The following NEK1 variants were observed in gnomAD, a reference collection of about 807,000 sequenced individuals.
NEK1 encodes serine/threonine-protein kinase Nek1.
Under a neutral mutation model 182.1 loss-of-function variants are expected in NEK1, and 137 were observed. That is an observed-to-expected ratio of 0.75 (90% confidence interval 0.65 to 0.87). NEK1 has a LOEUF of 0.87. Ranked by LOEUF, NEK1 falls within the 40% of genes least tolerant of loss-of-function variation. The pLI is 0.00. For synonymous variants in NEK1, 513 were observed against 492.2 expected (o/e 1.04, Z -0.56); for missense variants, 1,391 against 1,494.4 (o/e 0.93, Z 1.14).
rs141417424 is a variant in NEK1 at position 169,559,574 on chromosome 4, G to C, written c.1266+1906C>G. On this transcript the variant is annotated intron_variant, in intron 16 of 35. Transcript: ENST00000507142. ...ATCCAGGGCAGAATGTATATGTCTA[G>C]ATAAAACAAACTTTTATTCAAATTA... is the stretch of plus-strand genomic sequence containing the variant. Among the ~76,000 whole-genome samples the C allele has an allele frequency of 3.2e-3, 481 of 152,150 alleles. 1 individual carries two copies. Among genetic ancestry groups the C allele is most frequent in the Middle Eastern group, 0.031 (9 of 294 alleles).
chr4:169,449,031 G>A (rs942460228), intron 27 of NEK1, among the ~76,000 whole-genome samples: 70 of 152,322 alleles, frequency 4.6e-4, no homozygotes, highest in African/African-American at 1.6e-3. Flanking sequence ...CAGGTCCCAC[G>A]CCCACAGAGC....
intron 23 of NEK1, among the ~76,000 whole-genome samples, chr4:169,495,262 G>C (rs1174181350): frequency 3.9e-5 from 1 of 25,738 alleles, no homozygotes; most frequent in African/African-American, 9.8e-5. Flanking sequence ...TTTTTTTTTT[G>C]AGACGGAGTT....
chr4:169,430,471 C>T (rs181060629), intron 29 of NEK1, among the ~76,000 whole-genome samples: 68 of 152,236 alleles, frequency 4.5e-4, no homozygotes, highest in African/African-American at 1.6e-3. Context: ...AGGTGTAAGC[C>T]ACTGGGCACA....
At chr4:169,526,531 T>G (rs1206475320) in intron 19 of NEK1, among the ~76,000 whole-genome samples, 1 of 152,120 alleles carries the variant, frequency 6.6e-6, no homozygotes, top group African/African-American at 2.4e-5. Flanking sequence ...GCACATAAAA[T>G]TATTTTGAAA....
intron 12 of NEK1, among the ~76,000 whole-genome samples, chr4:169,565,329 GAAAC>G (rs533131738): frequency 2.0e-5 from 3 of 152,206 alleles, no homozygotes; most frequent in South Asian, 2.1e-4. Context: ...TCTATCACTT[GAAAC>G]AAACAAACAA....
chr4:169,474,970 G>A (rs1163391022), intron 26 of NEK1, among the ~76,000 whole-genome samples: 1 of 152,138 alleles, frequency 6.6e-6, no homozygotes, highest in African/African-American at 2.4e-5. Flanking sequence ...GACAAAATAT[G>A]AGACAGCAGT....
At chr4:169,449,310 C>T (rs1436899318) in intron 27 of NEK1, among the ~76,000 whole-genome samples, 1 of 152,246 alleles carries the variant, frequency 6.6e-6, no homozygotes, top group Admixed American at 6.5e-5. Flanking sequence ...CAGTGGTTCT[C>T]CCAGCATGGT....
At chr4:169,427,987 G>GCTTTGGAA (rs1190367013) in intron 29 of NEK1, among the ~76,000 whole-genome samples, 1 of 148,248 alleles carries the variant, frequency 6.7e-6, no homozygotes, top group East Asian at 2.0e-4. Flanking sequence ...ACCATGCCTG[G>GCTTTGGAA]CTTTTTTTTT....
Position 169,561,842 on chromosome 4 carries a change from T to C in NEK1, c.1130A>G (p.Gln377Arg), listed in dbSNP as rs757617237. 14 of 1,610,608 alleles carry C rather than the reference T, an allele frequency of 8.7e-6. No individual in the cohort carries two copies. In the South Asian group the frequency reaches 1.2e-4, roughly 14 times the overall value. ...RLEFIEKEKK[Q>R]KDQIISLMKA... is the part of the protein sequence containing the mutation. ...AGAGCAAAAAACTACCTGATCCTTT[T>C]GTTTCTTTTCTTTTTCAATAAATTC... Residue 377 changes from glutamine (Q) to arginine (R), a missense_variant, in exon 14 of 36, where the codon CAA becomes CGA. Gln to Arg is a conservative substitution (Grantham distance 43, BLOSUM62 1). This residue lies in a region of NEK1 where 1,216 missense variants were observed against 1,277.6 expected (regional missense o/e 0.95). Coordinates refer to ENST00000507142, the MANE Select transcript of NEK1 (RefSeq NM_001199397.3).
chr4:169,451,640 T>A (rs530796252), intron 27 of NEK1, among the ~76,000 whole-genome samples: 7 of 152,318 alleles, frequency 4.6e-5, no homozygotes, highest in Admixed American at 1.3e-4. Flanking sequence ...TAAAGCAGTG[T>A]GTAGAGGGAA....
chr4:169,404,543 A>C (rs1480439224), intron 32 of NEK1, among the ~76,000 whole-genome samples: 1 of 152,152 alleles, frequency 6.6e-6, no homozygotes, highest in Non-Finnish European at 1.5e-5. Context: ...TTCTTTCCAA[A>C]GGTAAAAGTA....
chr4:169,505,322 T>C (rs1379474901), intron 23 of NEK1, among the ~76,000 whole-genome samples: 1 of 152,072 alleles, frequency 6.6e-6, no homozygotes, highest in African/African-American at 2.4e-5. Context: ...CCAACCCTCT[T>C]ACTCCTCCTT....
chr4:169,584,427 T>C (rs1240971033), intron 10 of NEK1, among the ~76,000 whole-genome samples: 1 of 151,650 alleles, frequency 6.6e-6, no homozygotes, highest in African/African-American at 2.4e-5. Flanking sequence ...GCCTGGGCAA[T>C]ATGGTGAGTC....
chr4:169,477,559 A>T (rs1747200511), intron 24 of NEK1, 62 bp from the exon 25 acceptor site: 2 of 1,225,284 alleles, frequency 1.6e-6, no homozygotes, highest in Non-Finnish European at 2.3e-6. Context: ...TACCTTTAAA[A>T]ATATTACATC....
intron 2 of NEK1, among the ~76,000 whole-genome samples, chr4:169,607,843 C>T (rs7668077): frequency 0.99 from 150,300 of 152,168 alleles, 74,247 homozygotes; most frequent in East Asian, 1. Context: ...CATGGATTTA[C>T]GGCAGACAGG....
At chr4:169,589,671 T>G (rs1015393759) in intron 6 of NEK1, among the ~76,000 whole-genome samples, 157 bp from the exon 7 acceptor site, 4 of 152,016 alleles carry the variant, frequency 2.6e-5, no homozygotes, top group African/African-American at 9.7e-5. Flanking sequence ...CTACCTCAAA[T>G]CATAAACAAA....
At chr4:169,560,605 A>C (rs10016583) in intron 16 of NEK1, among the ~76,000 whole-genome samples, 2 of 152,052 alleles carry the variant, frequency 1.3e-5, no homozygotes, top group African/African-American at 4.8e-5. Flanking sequence ...TGTATACCGC[A>C]GTTGAGAATC....
In NEK1 at chr4:169,590,482, G is replaced by A. The variant is rs191256834; in HGVS notation, c.396+244C>T. Among the ~76,000 whole-genome samples, 4 of 152,232 alleles carry A rather than the reference G, an allele frequency of 2.6e-5. No homozygotes were observed. The East Asian group carries it at 7.7e-4, about 29-fold the overall frequency. On this transcript the variant is annotated intron_variant, in intron 6 of 35. Transcript: ENST00000507142. ...ATGGGAACTCACTGCTAATGGGTAC[G>A]AGGTTCTTTTTGGAGTTATAAAAAA... is the stretch of plus-strand genomic sequence containing the variant.
intron 23 of NEK1, among the ~76,000 whole-genome samples, chr4:169,499,367 G>A (rs1011704815): frequency 7.9e-5 from 12 of 152,100 alleles, no homozygotes; most frequent in African/African-American, 2.9e-4. Context: ...TTAGCAAGGT[G>A]TAGTTTGATC....
Sources: gnomAD v4.1 joint callset for allele counts (sites outside exome capture counted in the v4.1 genomes callset) on GRCh38, gnomAD v4.1.1 for gene constraint, gnomAD v4.1.1 regional missense constraint, MANE v1.5 for transcripts, NCBI Gene and HGNC (gene_info 2026-07-23, HGNC 2026-07-21) for gene names.